The following CHST11 variants were observed in gnomAD, a reference collection of about 807,000 sequenced individuals.
CHST11 encodes the protein C4S-1.
In CHST11, 9 loss-of-function variants were observed where a neutral mutation model predicts 30.4. That is an observed-to-expected ratio of 0.30 (90% confidence interval 0.18 to 0.52). The LOEUF is 0.52. CHST11 is among the 20% of genes least tolerant of loss of function. The pLI, the probability that CHST11 is intolerant of heterozygous loss-of-function variation, is 0.97. For missense variants in CHST11, 348 were observed against 460.6 expected (o/e 0.76, Z 2.24); for synonymous variants, 152 against 187.8 (o/e 0.81, Z 1.56).
At chr12:104,641,667 C>G (rs1475827635) in intron 2 of CHST11, among the ~76,000 whole-genome samples, 1 of 152,158 alleles carries the variant, frequency 6.6e-6, no homozygotes, top group African/African-American at 2.4e-5. Flanking sequence ...CTCAATTTTT[C>G]TGTCAACCTA....
At chr12:104,480,506 A>T (rs1171176752) in intron 1 of CHST11, among the ~76,000 whole-genome samples, 4 of 144,662 alleles carry the variant, frequency 2.8e-5, no homozygotes, top group African/African-American at 1.0e-4. Flanking sequence ...TAAACCTGGG[A>T]GGCGGAGGTT....
intron 1 of CHST11, among the ~76,000 whole-genome samples, chr12:104,539,469 G>A (rs1001642496): frequency 3.3e-5 from 5 of 152,214 alleles, no homozygotes; most frequent in South Asian, 2.1e-4. Flanking sequence ...GCAAGTGTCT[G>A]TATGGGGATA....
intron 2 of CHST11, among the ~76,000 whole-genome samples, chr12:104,701,308 G>C (rs191632163): frequency 3.3e-5 from 5 of 152,224 alleles, no homozygotes; most frequent in African/African-American, 9.6e-5. Flanking sequence ...CAATCCCTTT[G>C]ATGTATCTGA....
At chr12:104,708,044 T>A (rs1049758635) in intron 2 of CHST11, among the ~76,000 whole-genome samples, 5 of 152,196 alleles carry the variant, frequency 3.3e-5, no homozygotes, top group African/African-American at 1.2e-4. Flanking sequence ...CCATACACAA[T>A]CATCCTTATT....
chr12:104,597,359 G>C (rs2038915684), intron 1 of CHST11, among the ~76,000 whole-genome samples: 1 of 152,088 alleles, frequency 6.6e-6, no homozygotes, highest in Non-Finnish European at 1.5e-5. Flanking sequence ...AAGTGTTGTG[G>C]CTAAATAAAA....
intron 2 of CHST11, among the ~76,000 whole-genome samples, chr12:104,623,623 T>A (rs1213176139): frequency 6.6e-6 from 1 of 151,788 alleles, no homozygotes; most frequent in East Asian, 1.9e-4. Flanking sequence ...GGCAGGAGAA[T>A]CGCTTGAACC....
At chr12:104,476,275 C>T (rs747399387) in intron 1 of CHST11, among the ~76,000 whole-genome samples, 22 of 149,416 alleles carry the variant, frequency 1.5e-4, no homozygotes, top group Non-Finnish European at 3.1e-4. Flanking sequence ...AATATGTACA[C>T]ATGTAGTATA....
intron 2 of CHST11, among the ~76,000 whole-genome samples, chr12:104,682,148 A>T (rs2039803345): frequency 6.6e-6 from 1 of 152,226 alleles, no homozygotes; most frequent in East Asian, 1.9e-4. Context: ...TGGTTTTTTA[A>T]AAAAGACACT....
intron 2 of CHST11, among the ~76,000 whole-genome samples, chr12:104,739,221 C>T (rs907486391): frequency 6.6e-5 from 10 of 152,160 alleles, no homozygotes; most frequent in Admixed American, 2.0e-4. Context: ...TGGGCTTCAA[C>T]CAGGGGAGGC....
At chr12:104,705,976 C>T (rs1236421839) in intron 2 of CHST11, among the ~76,000 whole-genome samples, 1 of 152,050 alleles carries the variant, frequency 6.6e-6, no homozygotes, top group Non-Finnish European at 1.5e-5. Flanking sequence ...GTCCCAGCTA[C>T]TGGGGAGGCT....
chr12:104,642,874 T>C (rs1026001768), intron 2 of CHST11, among the ~76,000 whole-genome samples: 2 of 152,164 alleles, frequency 1.3e-5, no homozygotes, highest in Non-Finnish European at 2.9e-5. Flanking sequence ...ATTAAGAAAT[T>C]ATGCAACTAG....
In CHST11 at chr12:104,669,787, T is replaced by C. The variant is rs74416645; in HGVS notation, c.204+67796T>C. ...GGTATGATGACAGCTCGTAGCTTAC[T>C]TGCTTTGGAGGCCAGCCTGCCCGTG... On this transcript the variant is annotated intron_variant, in intron 2 of 2. Transcript: ENST00000303694. 6.1e-3 allele frequency among the ~76,000 whole-genome samples: 922 copies of C among 152,328 alleles called. 39 individuals carry two copies. The East Asian group carries it at 0.11, about 19-fold the overall frequency.
At chr12:104,651,084 C>T (rs745970719) in intron 2 of CHST11, among the ~76,000 whole-genome samples, 2 of 152,218 alleles carry the variant, frequency 1.3e-5, no homozygotes, top group African/African-American at 4.8e-5. Context: ...GATACCCAGA[C>T]GTTTTCAAGA....
chr12:104,610,041 C>CTG (rs1491162351), intron 2 of CHST11, among the ~76,000 whole-genome samples: 17 of 120,440 alleles, frequency 1.4e-4, no homozygotes, highest in African/African-American at 5.7e-4. Context: ...CCATGAGTGC[C>CTG]TCTGTGTGTG....
chr12:104,488,740 C>CGCGT (rs1313669274), intron 1 of CHST11, among the ~76,000 whole-genome samples: 54 of 145,866 alleles, frequency 3.7e-4, no homozygotes, highest in African/African-American at 1.3e-3. Flanking sequence ...TATGTGTACG[C>CGCGT]GTGTGTGTGT....
intron 2 of CHST11, among the ~76,000 whole-genome samples, chr12:104,726,196 A>G (rs541235766): frequency 1.3e-5 from 2 of 152,360 alleles, no homozygotes; most frequent in South Asian, 4.1e-4. Context: ...ATATGTAATC[A>G]GAGACTCTTT....
At chr12:104,590,892 A>G (rs1704901) in intron 1 of CHST11, among the ~76,000 whole-genome samples, 30,716 of 151,826 alleles carry the variant, frequency 0.2, 3,388 homozygotes, top group Admixed American at 0.31. Flanking sequence ...ACTTTACTCC[A>G]GCCTGGGTGA....
At chr12:104,497,796 T>A (rs2037814102) in intron 1 of CHST11, among the ~76,000 whole-genome samples, 1 of 151,798 alleles carries the variant, frequency 6.6e-6, no homozygotes, top group Non-Finnish European at 1.5e-5. Flanking sequence ...ATGGTAACAG[T>A]GTGATCAGCC....
chr12:104,505,096 T>C (rs2037891743), intron 1 of CHST11, among the ~76,000 whole-genome samples: 1 of 152,178 alleles, frequency 6.6e-6, no homozygotes, highest in Non-Finnish European at 1.5e-5. Flanking sequence ...CCTATTAGAC[T>C]GGCTTCTGTA....
Sources: allele counts gnomAD v4.1 joint callset (sites outside exome capture counted in the v4.1 genomes callset), GRCh38; gene constraint gnomAD v4.1.1; transcripts MANE v1.5; gene names NCBI Gene and HGNC (gene_info 2026-07-23, HGNC 2026-07-21).